MDFIC2: variants seen among roughly 807,000 people sequenced by gnomAD.
MDFIC2 encodes MyoD family inhibitor domain containing 2.
intron 2 of MDFIC2, among the ~76,000 whole-genome samples, chr3:70,279,856 C>A (rs1416419250): frequency 1.3e-5 from 2 of 152,182 alleles, no homozygotes; most frequent in African/African-American, 4.8e-5. Flanking sequence ...ACCTGCCAAA[C>A]CACCTGCTGT....
chr3:70,304,503 A>G (rs1702381946), intron 2 of MDFIC2, among the ~76,000 whole-genome samples: 2 of 151,892 alleles, frequency 1.3e-5, no homozygotes, highest in Non-Finnish European at 2.9e-5. Flanking sequence ...TCTCTCTCTC[A>G]CTTCACCATT....
chr3:70,218,234 T>A (rs966575431), intron 2 of MDFIC2, among the ~76,000 whole-genome samples: 2 of 152,164 alleles, frequency 1.3e-5, no homozygotes, highest in Non-Finnish European at 2.9e-5. Context: ...TTTCTATTTT[T>A]AAATCCTAAT....
intron 2 of MDFIC2, among the ~76,000 whole-genome samples, chr3:70,300,564 G>T (rs1363009815): frequency 6.6e-6 from 1 of 151,812 alleles, no homozygotes. Flanking sequence ...TTTCCCTGTT[G>T]AGTGTTTTCA....
chr3:70,231,456 G>A (rs774615267), intron 2 of MDFIC2, among the ~76,000 whole-genome samples: 1 of 152,192 alleles, frequency 6.6e-6, no homozygotes, highest in African/African-American at 2.4e-5. Context: ...CTCTAAAAGA[G>A]CTCCCTTCTA....
chr3:70,227,397 G>A (rs1344879343), intron 2 of MDFIC2, among the ~76,000 whole-genome samples: 1 of 152,170 alleles, frequency 6.6e-6, no homozygotes, highest in Non-Finnish European at 1.5e-5. Context: ...AAAACAATGT[G>A]ATTCAAAATA....
intron 2 of MDFIC2, among the ~76,000 whole-genome samples, chr3:70,292,375 G>A (rs999543839): frequency 2.6e-5 from 4 of 152,024 alleles, no homozygotes; most frequent in African/African-American, 9.7e-5. Context: ...GATATCTTCA[G>A]CTAAATCCAC....
intron 2 of MDFIC2, chr3:70,272,408 C>CT (rs1701983941): frequency 6.6e-6 from 1 of 152,178 alleles, no homozygotes; most frequent in Non-Finnish European, 1.5e-5. Flanking sequence ...CAATATAATG[C>CT]TTTTGAGGTT....
chr3:70,208,489 A>T (rs979225869), intron 2 of MDFIC2, among the ~76,000 whole-genome samples: 1 of 152,048 alleles, frequency 6.6e-6, no homozygotes, highest in East Asian at 1.9e-4. Context: ...CACCTGGAAA[A>T]TCTTTTTAAA....
chr3:70,242,499 C>T (rs1701673834), intron 2 of MDFIC2, among the ~76,000 whole-genome samples: 1 of 152,172 alleles, frequency 6.6e-6, no homozygotes, highest in Admixed American at 6.6e-5. Flanking sequence ...ATGATAGCTT[C>T]TAAGTTGTTT....
chr3:70,206,272 A>T (rs1701290094), intron 3 of MDFIC2, among the ~76,000 whole-genome samples: 1 of 152,032 alleles, frequency 6.6e-6, no homozygotes, highest in African/African-American at 2.4e-5. Flanking sequence ...GAGAGAAAGA[A>T]GTTTGCCATT....
chr3:70,269,154 T>C (rs1266882656), intron 2 of MDFIC2, among the ~76,000 whole-genome samples: 2 of 152,178 alleles, frequency 1.3e-5, no homozygotes, highest in Admixed American at 6.5e-5. Flanking sequence ...TAAATAGGTA[T>C]TTTTAAACAT....
At chr3:70,216,931 C>A (rs1701417207) in intron 2 of MDFIC2, among the ~76,000 whole-genome samples, 1 of 152,138 alleles carries the variant, frequency 6.6e-6, no homozygotes, top group Admixed American at 6.6e-5. Flanking sequence ...CCCTCACCAC[C>A]AAAACCCATA....
chr3:70,209,601 C>A (rs554667180), intron 2 of MDFIC2, among the ~76,000 whole-genome samples: 1 of 152,210 alleles, frequency 6.6e-6, no homozygotes, highest in South Asian at 2.1e-4. Flanking sequence ...AAGGCCTCCT[C>A]CTTATTCAGT....
At chr3:70,252,957 G>T (rs1701783464) in intron 2 of MDFIC2, among the ~76,000 whole-genome samples, 1 of 152,022 alleles carries the variant, frequency 6.6e-6, no homozygotes, top group South Asian at 2.1e-4. Flanking sequence ...GCAGGCGCCT[G>T]TAATTCCAGC....
At chr3:70,296,306 A>G (rs1702288408) in intron 2 of MDFIC2, among the ~76,000 whole-genome samples, 2 of 152,118 alleles carry the variant, frequency 1.3e-5, no homozygotes, top group South Asian at 4.1e-4. Context: ...TTTCCAAATC[A>G]GTTTATTGTC....
intron 2 of MDFIC2, among the ~76,000 whole-genome samples, chr3:70,299,445 A>G (rs977863574): frequency 1.3e-5 from 2 of 152,098 alleles, no homozygotes; most frequent in Non-Finnish European, 2.9e-5. Flanking sequence ...TAGATAACTT[A>G]CGTAAAGCCA....
chr3:70,290,345 G>A (rs565579814), intron 2 of MDFIC2, among the ~76,000 whole-genome samples: 3 of 152,264 alleles, frequency 2.0e-5, no homozygotes, highest in Admixed American at 1.3e-4. Context: ...TGCCCCTGTT[G>A]GGGGGTGCCT....
chr3:70,239,527 G>C (rs1701644380), intron 2 of MDFIC2, among the ~76,000 whole-genome samples: 1 of 129,608 alleles, frequency 7.7e-6, no homozygotes, highest in Non-Finnish European at 1.9e-5. Flanking sequence ...TCACTTTCTA[G>C]GGAGTACATT....
At chr3:70,284,639 A>C (rs9861113) in intron 2 of MDFIC2, among the ~76,000 whole-genome samples, 3 of 152,062 alleles carry the variant, frequency 2.0e-5, no homozygotes, top group African/African-American at 7.2e-5. Flanking sequence ...AGAAATTAAC[A>C]CAGGAACAGA....
Sources: allele counts gnomAD v4.1 joint callset (sites outside exome capture counted in the v4.1 genomes callset), GRCh38; gene constraint gnomAD v4.1.1; transcripts MANE v1.5; gene names NCBI Gene and HGNC (gene_info 2026-07-23, HGNC 2026-07-21).